Variants in ASXL1 observed in about 807,000 individuals in gnomAD.
ASXL1 encodes ASXL transcriptional regulator 1.
In ASXL1, 65 loss-of-function variants were observed where a neutral mutation model predicts 89.1. That is an observed-to-expected ratio of 0.73 (90% confidence interval 0.60 to 0.90). ASXL1 has a LOEUF of 0.90. Ranked by LOEUF, ASXL1 falls within the 40% of genes least tolerant of loss-of-function variation. ASXL1 has a pLI of 0.00. For missense variants in ASXL1, 1,786 were observed against 1,942.9 expected, an observed-to-expected ratio of 0.92 and a Z score of 1.52; for synonymous variants, 739 against 746.9, an observed-to-expected ratio of 0.99 and a Z score of 0.17.
At position 32,437,197 on chromosome 20, in the gene ASXL1, C is replaced by T. The variant is rs775741566; in HGVS notation, c.4485C>T (p.Asp1495=). The T allele has an allele frequency of 2.5e-6, 4 of 1,613,698 alleles. No individual in the cohort carries two copies. Among genetic ancestry groups the T allele is most frequent in the South Asian group, 1.1e-5 (1 of 91,084 alleles). The change falls in exon 13 of 13, where the codon GAC becomes GAT. Residue 1495 remains aspartate, a synonymous_variant. Transcript: ENST00000375687. ...CACTTTCCTTGCAAATGTTCACTGACAGCAGCACGGTGGAAAGCATCTCGC... is the reference window on the plus strand; with the variant it reads ...CACTTTCCTTGCAAATGTTCACTGATAGCAGCACGGTGGAAAGCATCTCGC... ...SASLSLQMFT[D]SSTVESISLQ...
intron 1 of ASXL1, chr20:32,359,935 G>A (rs2048082770): frequency 1.4e-6 from 1 of 689,902 alleles, no homozygotes. Flanking sequence ...GTTGTGGTGC[G>A]GATAGCATAA....
chr20:32,368,810 GTTTA>G (rs1185066393), intron 3 of ASXL1, among the ~76,000 whole-genome samples: 1 of 152,162 alleles, frequency 6.6e-6, no homozygotes, highest in African/African-American at 2.4e-5. Context: ...ATCACATAAT[GTTTA>G]TTCCAGAGTT....
intron 4 of ASXL1, among the ~76,000 whole-genome samples, chr20:32,392,837 C>T (rs1250401666): frequency 1.3e-5 from 2 of 151,962 alleles, no homozygotes; most frequent in African/African-American, 4.8e-5. Context: ...AGAGAACATA[C>T]CTTATATGAT....
At chr20:32,428,521 AGT>A (rs2011403405) in intron 6 of ASXL1, 99 bp downstream of exon 6, 1 of 1,156,182 alleles carries the variant, frequency 8.6e-7, no homozygotes, top group Admixed American at 1.8e-5. Flanking sequence ...ATGTTCAGAG[AGT>A]GAAGAATAGA....
In ASXL1 at chr20:32,436,370, A is replaced by T. The variant is rs761774988; in HGVS notation, c.3658A>T (p.Ile1220Phe). The change falls in exon 13 of 13, where the codon ATT becomes TTT. Residue 1220 changes from isoleucine to phenylalanine, a missense_variant. This residue lies in a region of ASXL1 where 1,418 missense variants were observed against 1,427.8 expected (regional missense o/e 0.99). Coordinates refer to ENST00000375687, the MANE Select transcript of ASXL1 (RefSeq NM_015338.6). ...CTCCCTCCATCCAGTGACAAATCCCATTACATCCTCTAGGAAACTGGAAGA... is the reference window on the plus strand; with the variant it reads ...CTCCCTCCATCCAGTGACAAATCCCTTTACATCCTCTAGGAAACTGGAAGA... ...FDSLHPVTNP[I>F]TSSRKLEEMD... 2.4e-5 allele frequency: 38 copies of T among 1,613,594 alleles called. No individual in the cohort carries two copies. The highest frequency in any genetic ancestry group is 3.1e-5 in the Non-Finnish European group (37 of 1,180,026).
chr20:32,410,646 T>C (rs1234117844), intron 4 of ASXL1, among the ~76,000 whole-genome samples: 2 of 152,222 alleles, frequency 1.3e-5, no homozygotes, highest in East Asian at 1.9e-4. Flanking sequence ...AGAGGGCACT[T>C]ACTGTACTTT....
chr20:32,369,422 T>A (rs955676881), intron 4 of ASXL1, among the ~76,000 whole-genome samples: 2 of 151,998 alleles, frequency 1.3e-5, no homozygotes, highest in Admixed American at 6.6e-5. Flanking sequence ...CTAATTTTTT[T>A]ATTTTTTTTA....
chr20:32,359,681 G>C, intron 1 of ASXL1: 1 of 717,854 alleles, frequency 1.4e-6, no homozygotes, highest in Non-Finnish European at 2.6e-6. Context: ...GTTGGGAGAC[G>C]TTGTTCACTG....
intron 4 of ASXL1, among the ~76,000 whole-genome samples, chr20:32,378,349 C>T (rs141907729): frequency 6.6e-5 from 10 of 152,080 alleles, no homozygotes; most frequent in South Asian, 6.2e-4. Flanking sequence ...CAACCCATCA[C>T]GTGAGGTCAG....
intron 4 of ASXL1, among the ~76,000 whole-genome samples, chr20:32,383,467 C>T (rs1001982052): frequency 5.9e-5 from 9 of 151,936 alleles, no homozygotes; most frequent in Non-Finnish European, 1.2e-4. Context: ...CCACCATGCC[C>T]GGCTAATTTT....
intron 4 of ASXL1, 42 bp downstream of exon 4, chr20:32,369,165 C>T (rs1004630802): frequency 1.9e-6 from 3 of 1,541,652 alleles, no homozygotes; most frequent in South Asian, 2.2e-5. Context: ...GATTCTTGGA[C>T]TTTTAATGTG....
chr20:32,382,608 C>CAAAAAAAAA, intron 4 of ASXL1, among the ~76,000 whole-genome samples: 1 of 96,010 alleles, frequency 1.0e-5, no homozygotes, highest in Non-Finnish European at 2.0e-5. Context: ...CTCGTCTCTA[C>CAAAAAAAAA]AAAAAAAAAA....
intron 4 of ASXL1, among the ~76,000 whole-genome samples, chr20:32,424,601 T>G (rs2011221487): frequency 6.6e-6 from 1 of 152,198 alleles, no homozygotes; most frequent in South Asian, 2.1e-4. Context: ...AGAATTTCTC[T>G]TGCATTTTTC....
intron 4 of ASXL1, among the ~76,000 whole-genome samples, chr20:32,394,223 C>G (rs1203807768): frequency 6.6e-6 from 1 of 152,128 alleles, no homozygotes; most frequent in African/African-American, 2.4e-5. Context: ...AGGCTGGTCT[C>G]AAATTCCTGA....
chr20:32,366,550 C>A, intron 2 of ASXL1, 84 bp downstream of exon 2: 1 of 1,606,096 alleles, frequency 6.2e-7, no homozygotes, highest in East Asian at 2.3e-5. Context: ...GTAAGTACAC[C>A]TGTGTATGTA....
At chr20:32,359,902 C>G (rs965937686) in intron 1 of ASXL1, 1 of 711,500 alleles carries the variant, frequency 1.4e-6, no homozygotes, top group Admixed American at 2.0e-5. Flanking sequence ...GATGTCAGTT[C>G]CTAAGATCTG....
At chr20:32,414,336 G>C (rs1253043925) in intron 4 of ASXL1, among the ~76,000 whole-genome samples, 1 of 151,050 alleles carries the variant, frequency 6.6e-6, no homozygotes, top group African/African-American at 2.4e-5. Context: ...AGTTCTCTAG[G>C]AGATAATCTG....
Position 32,434,636 on chromosome 20 carries a change from GGA to G in ASXL1, c.1926_1927del (p.Gly645TrpfsTer12). 6.2e-7 allele frequency: 1 copy of G among 1,607,628 alleles called. No individual in the cohort carries two copies. The highest frequency in any genetic ancestry group is 8.5e-7 in the Non-Finnish European group (1 of 1,176,872). ...TAGAGAGGCGGCCACCACTGCCATCGGAGGGGGGGGTGGCCCGGGTGGAGGTG... is the reference window on the plus strand; with the variant it reads ...TAGAGAGGCGGCCACCACTGCCATCGGGGGGGGGTGGCCCGGGTGGAGGTG... ...CHREAATTAI[G>X]GGGGPGGGGG... On this transcript the variant is annotated frameshift_variant, in exon 13 of 13. Transcript: ENST00000375687. LOFTEE classifies it low-confidence loss of function (END_TRUNC).
At chr20:32,425,963 C>T (rs1489400749) in intron 4 of ASXL1, among the ~76,000 whole-genome samples, 2 of 152,178 alleles carry the variant, frequency 1.3e-5, no homozygotes, top group Non-Finnish European at 2.9e-5. Flanking sequence ...CCTTGGCCTC[C>T]CAAAGTACTG....
Sources: gnomAD v4.1 joint callset for allele counts (sites outside exome capture counted in the v4.1 genomes callset) on GRCh38, gnomAD v4.1.1 for gene constraint, gnomAD v4.1.1 regional missense constraint, MANE v1.5 for transcripts, NCBI Gene and HGNC (gene_info 2026-07-23, HGNC 2026-07-21) for gene names.